Variants in EEF1A2 observed in about 807,000 individuals in gnomAD.
EEF1A2 encodes the protein eukaryotic translation elongation factor 1 alpha 2.
In EEF1A2, 5 loss-of-function variants were observed where a neutral mutation model predicts 39.3. The observed-to-expected ratio is 0.13, with a 90% confidence interval of 0.07 to 0.27. EEF1A2 has a LOEUF of 0.27. Ranked by LOEUF, EEF1A2 falls within the 10% of genes least tolerant of loss-of-function variation. The pLI is 1.00. For synonymous variants in EEF1A2, 287 were observed against 293.7 expected, an observed-to-expected ratio of 0.98 and a Z score of 0.23; for missense variants, 218 against 681.4, an observed-to-expected ratio of 0.32 and a Z score of 7.57.
chr20:63,490,830 G>A (rs1191138002), intron 5 of EEF1A2, 95 bp from the exon 6 acceptor site: 14 of 1,433,392 alleles, frequency 9.8e-6, no homozygotes, highest in Non-Finnish European at 1.3e-5. Flanking sequence ...ACAAAGCCTG[G>A]GACTGGATCC....
rs1450279984 is a variant in EEF1A2 at position 63,493,284 on chromosome 20, G to C, written c.625C>G (p.Pro209Ala). Residue 209 changes from proline to alanine, a missense_variant, in exon 5 of 8, where the codon CCG (proline) becomes GCG (alanine). Coordinates refer to ENST00000217182, the MANE Select transcript of EEF1A2 (RefSeq NM_001958.5). ...DNMLEPSPNM[P>A]WFKGWKVERK... ...TCCACCTTCCAGCCCTTGAACCACG[G>C]CATCTGGACCAAAGGGAGAAAATCA... 8 of 1,516,060 alleles carry C rather than the reference G, an allele frequency of 5.3e-6. No homozygotes were observed. Among genetic ancestry groups the C allele is most frequent in the Non-Finnish European group, 7.1e-6 (8 of 1,125,892 alleles). The allele number at this position is 1,516,060 out of a possible 1,614,324, so 93.9% of individuals were successfully genotyped here. A position where few individuals can be genotyped will look rare whatever the true frequency, so the allele number is the denominator to read the frequency against.
In EEF1A2 at chr20:63,497,975, C is replaced by A; in HGVS notation, c.-71-141G>T. Reference sequence around the variant, plus strand: ...ATGTTTGGTGGGGAGGGAAGGGCCCCCACCCACAGCTGGGCCTGGCCAGGG... The same window carrying A: ...ATGTTTGGTGGGGAGGGAAGGGCCCACACCCACAGCTGGGCCTGGCCAGGG... On this transcript the variant is annotated intron_variant, in intron 1 of 7. Transcript: ENST00000217182. This position sits in a 1 kb window ranked among gnomAD's most constrained non-coding sequence, Gnocchi z 7.3. 1 of 611,232 alleles carries A rather than the reference C, an allele frequency of 1.6e-6. No individual in the cohort carries two copies. 37.9% of individuals were successfully genotyped at this position (611,232 alleles called of 1,614,324 possible).
Position 63,497,792 on chromosome 20 carries a change from A to T in EEF1A2, c.-29T>A. 1 of 1,602,314 alleles carries T rather than the reference A, an allele frequency of 6.2e-7. No individual in the cohort carries two copies. The highest frequency in any genetic ancestry group is 8.5e-7 in the Non-Finnish European group (1 of 1,173,880). The stretch of plus-strand genomic sequence containing the variant: ...GCTGGGAGTGTGAGGGGCTGGCGGG[A>T]CCCGGGGTGCTCTGGCTCAGGGCGA... On this transcript the variant is annotated 5_prime_UTR_variant, in exon 2 of 8. Transcript: ENST00000217182. This position sits in a 1 kb window ranked among gnomAD's most constrained non-coding sequence, Gnocchi z 7.3.
At chr20:63,489,731 C>G (rs1236526319) in intron 6 of EEF1A2, among the ~76,000 whole-genome samples, 1 of 151,988 alleles carries the variant, frequency 6.6e-6, no homozygotes, top group African/African-American at 2.4e-5. Flanking sequence ...TGCAGTGAGC[C>G]GAGATCGCAC....
intron 5 of EEF1A2, 125 bp from the exon 6 acceptor site, chr20:63,490,860 T>G: frequency 8.8e-7 from 1 of 1,130,678 alleles, no homozygotes. Flanking sequence ...GCCTGGGGGT[T>G]GGGGCCACAT....
intron 7 of EEF1A2, 54 bp from the exon 8 acceptor site, chr20:63,488,479 AC>A: frequency 7.5e-7 from 1 of 1,335,604 alleles, no homozygotes. Flanking sequence ...ACCCCCCCCA[AC>A]CCCAGGGCTC....
chr20:63,494,456 C>A (rs752220456), intron 4 of EEF1A2, among the ~76,000 whole-genome samples: 2 of 152,250 alleles, frequency 1.3e-5, no homozygotes, highest in Non-Finnish European at 2.9e-5. Context: ...AGGACCAGGA[C>A]AATGGCCTGG....
chr20:63,490,387 C>A, intron 6 of EEF1A2, 92 bp downstream of exon 6: 1 of 1,495,588 alleles, frequency 6.7e-7, no homozygotes, highest in Non-Finnish European at 9.0e-7. Flanking sequence ...TTTCTCCCCA[C>A]GCCAGGCCAC....
chr20:63,496,300 A>G, intron 2 of EEF1A2: 1 of 523,010 alleles, frequency 1.9e-6, no homozygotes, highest in Non-Finnish European at 3.4e-6. Context: ...AGGGCCTGGG[A>G]GTCGCTCGCT....
intron 6 of EEF1A2, chr20:63,490,067 CTT>C (rs57130528): frequency 1.2e-3 from 174 of 151,294 alleles, no homozygotes; most frequent in South Asian, 4.4e-3. Flanking sequence ...GGTCCCTTTT[CTT>C]TTTTTTTTTT....
intron 6 of EEF1A2, 133 bp downstream of exon 6, chr20:63,490,346 T>G: frequency 3.4e-6 from 4 of 1,179,748 alleles, no homozygotes; most frequent in Non-Finnish European, 4.7e-6. Flanking sequence ...ATTACAGGCG[T>G]GAACCACTGC....
rs2082361486 is a variant in EEF1A2, at chr20:63,488,253, G to C, written c.*45C>G. ...GGCGGGGGCCCGGGCCCGGGGTTCGGAGCGCGGCACCGCCGGGGAGGGTCG... is the reference window on the plus strand; with the variant it reads ...GGCGGGGGCCCGGGCCCGGGGTTCGCAGCGCGGCACCGCCGGGGAGGGTCG... On this transcript the variant is annotated 3_prime_UTR_variant, in exon 8 of 8. Coordinates refer to ENST00000217182, the MANE Select transcript of EEF1A2 (RefSeq NM_001958.5). 1.0e-6 allele frequency: 1 copy of C among 997,572 alleles called. No homozygotes were observed. Among genetic ancestry groups the C allele is most frequent in the African/African-American group, 1.8e-5 (1 of 56,154 alleles). 61.8% of individuals were successfully genotyped at this position (997,572 alleles called of 1,614,324 possible). A position where few individuals can be genotyped will look rare whatever the true frequency, so the allele number is the denominator to read the frequency against.
chr20:63,494,808 G>T lies in EEF1A2; in HGVS notation c.618C>A (p.Pro206=), dbSNP rs769937223. ...WHGDNMLEPS[P]NMPWFKGWKV... The stretch of plus-strand genomic sequence containing the variant: ...CCCCGCCCTAGCCGCCACTCACGTT[G>T]GGGGAGGGCTCCAGCATGTTGTCAC... Residue 206 remains proline (P), a synonymous_variant, in exon 4 of 8, where the codon CCC becomes CCA. Coordinates refer to ENST00000217182, the MANE Select transcript of EEF1A2 (RefSeq NM_001958.5). The T allele has an allele frequency of 1.1e-5, 17 of 1,608,834 alleles. No homozygotes were observed. In the South Asian group the frequency reaches 1.9e-4, roughly 18 times the overall value.
chr20:63,495,696 G>T (rs2082413281), intron 3 of EEF1A2, among the ~76,000 whole-genome samples, 160 bp downstream of exon 3: 1 of 152,170 alleles, frequency 6.6e-6, no homozygotes, highest in South Asian at 2.1e-4. Context: ...CCTTAGGGGG[G>T]CTCTGAGCCA....
chr20:63,495,585 G>A (rs1349939127), intron 3 of EEF1A2, among the ~76,000 whole-genome samples: 4 of 152,196 alleles, frequency 2.6e-5, no homozygotes, highest in Non-Finnish European at 4.4e-5. Flanking sequence ...CATGTATGAA[G>A]GTGTGTCCAC....
intron 4 of EEF1A2, among the ~76,000 whole-genome samples, chr20:63,494,439 G>C (rs539995557): frequency 6.6e-6 from 1 of 152,234 alleles, no homozygotes; most frequent in Non-Finnish European, 1.5e-5. Context: ...GCCCCTGCAC[G>C]GTGTCCAGGA....
At chr20:63,492,908 AGATG>A (rs560471964) in intron 5 of EEF1A2, among the ~76,000 whole-genome samples, 3 of 111,196 alleles carry the variant, frequency 2.7e-5, no homozygotes, top group Non-Finnish European at 5.6e-5. Context: ...ATGGATAGAT[AGATG>A]GATGGAGAGG....
In EEF1A2 at chr20:63,498,535, C is replaced by T. The variant is rs1445448317; in HGVS notation, c.-72+523G>A. 2 of 152,672 alleles carry T rather than the reference C, an allele frequency of 1.3e-5. No homozygotes were observed. Among genetic ancestry groups the T allele is most frequent in the Non-Finnish European group, 2.9e-5 (2 of 68,478 alleles). 9.5% of individuals were successfully genotyped at this position (152,672 alleles called of 1,614,324 possible). A position where few individuals can be genotyped will look rare whatever the true frequency, so the allele number is the denominator to read the frequency against. On this transcript the variant is annotated intron_variant, in intron 1 of 7. Coordinates refer to ENST00000217182, the MANE Select transcript of EEF1A2 (RefSeq NM_001958.5). This position sits in a 1 kb window ranked among gnomAD's most constrained non-coding sequence, Gnocchi z 4.1. The stretch of plus-strand genomic sequence containing the variant: ...CCAGCAAGTGCCAGGTGGAGATGCC[C>T]TCGGCCCCGTGGGGGTATAGGGGGC...
intron 4 of EEF1A2, 33 bp from the exon 5 acceptor site, chr20:63,493,320 A>G: frequency 6.8e-7 from 1 of 1,477,270 alleles, no homozygotes; most frequent in Non-Finnish European, 9.1e-7. Context: ...ATCCGTTAAG[A>G]GACATTGGTG....
Sources: gnomAD v4.1 joint callset for allele counts (sites outside exome capture counted in the v4.1 genomes callset) on GRCh38, gnomAD v4.1.1 for gene constraint, Gnocchi (gnomAD v3.1) non-coding constraint, MANE v1.5 for transcripts, NCBI Gene and HGNC (gene_info 2026-07-23, HGNC 2026-07-21) for gene names.